Variants in SNAP47 observed in about 807,000 individuals in gnomAD.
SNAP47 encodes synaptosomal-associated protein 47.
SNAP47 carries 20 observed loss-of-function variants against 31.4 expected under a neutral mutation model. The observed-to-expected ratio is 0.64, with a 90% CI of 0.45 to 0.93. SNAP47 has a LOEUF of 0.93. Among genes scored for constraint, SNAP47 ranks in the 40% least tolerant of loss-of-function variants. SNAP47 has a pLI of 0.00. For synonymous variants in SNAP47, 194 were observed against 213.4 expected, an observed-to-expected ratio of 0.91 and a Z score of 0.79; for missense variants, 492 against 528.5, an observed-to-expected ratio of 0.93 and a Z score of 0.68.
At chr1:227,742,742 A>G (rs560726772) in intron 1 of SNAP47, among the ~76,000 whole-genome samples, 187 of 152,346 alleles carry the variant, frequency 1.2e-3, no homozygotes, top group Non-Finnish European at 2.2e-3. Context: ...GCATGGGCAC[A>G]GCAACTCCAG....
intron 4 of SNAP47, among the ~76,000 whole-genome samples, chr1:227,778,071 C>G (rs1664262604): frequency 6.6e-6 from 1 of 152,218 alleles, no homozygotes; most frequent in Non-Finnish European, 1.5e-5. Flanking sequence ...GTACTTTAAT[C>G]CCAAATTTGA....
chr1:227,751,148 T>C lies in SNAP47; in HGVS notation c.497+2915T>C, dbSNP rs148633845. ...GGCCCCTTTAGTGCTCCCTGAACAC[T>C]GTGGCTTTGATTGTGCGGTGAAGAA... On this transcript the variant is annotated intron_variant, in intron 2 of 4. Transcript: ENST00000617596. 6.8e-3 allele frequency among the ~76,000 whole-genome samples: 1,034 copies of C among 152,324 alleles called. 12 individuals are homozygous for C. The highest frequency in any genetic ancestry group is 0.024 in the African/African-American group (992 of 41,554).
Position 227,761,358 on chromosome 1 carries a change from G to C in SNAP47, c.988+1873G>C, listed in dbSNP as rs74565262. ...TGAATACACACCCTAAAAATGAAAGGTGCACACCTTAGATATGCAGCACGT... is the reference window on the plus strand; with the variant it reads ...TGAATACACACCCTAAAAATGAAAGCTGCACACCTTAGATATGCAGCACGT... On this transcript the variant is annotated intron_variant, in intron 3 of 4. Coordinates refer to ENST00000617596, the MANE Select transcript of SNAP47 (RefSeq NM_053052.4). 4.1e-3 allele frequency among the ~76,000 whole-genome samples: 618 copies of C among 152,278 alleles called. 7 individuals are homozygous for C. The highest frequency in any genetic ancestry group is 0.014 in the African/African-American group (587 of 41,544).
intron 1 of SNAP47, among the ~76,000 whole-genome samples, chr1:227,743,659 T>C: frequency 6.6e-6 from 1 of 152,202 alleles, no homozygotes; most frequent in East Asian, 1.9e-4. Flanking sequence ...TTGCTGGTCT[T>C]TGAATGTCAC....
At chr1:227,735,119 T>C (rs767983041), upstream of SNAP47, 35 of 1,578,262 alleles carry the variant, frequency 2.2e-5, no homozygotes, top group East Asian at 1.9e-4. Context: ...GCAGGGCAGG[T>C]TGGGCAGCAA....
chr1:227,750,885 T>C (rs1047174485), intron 2 of SNAP47, among the ~76,000 whole-genome samples: 1 of 152,152 alleles, frequency 6.6e-6, no homozygotes, highest in African/African-American at 2.4e-5. Context: ...AGTGCCAGCG[T>C]TGGGTGCACC....
chr1:227,735,400 G>A (rs1265260066), upstream of SNAP47: 7 of 1,568,286 alleles, frequency 4.5e-6, no homozygotes, highest in East Asian at 1.6e-4. Context: ...GGGGCTCCGG[G>A]CCTGCACGCA....
intron 4 of SNAP47, among the ~76,000 whole-genome samples, chr1:227,769,269 C>T (rs762042608): frequency 4.3e-4 from 66 of 152,144 alleles, no homozygotes; most frequent in African/African-American, 1.5e-3. Context: ...AGTGGCAGAG[C>T]GGGAGGAAGC....
rs746058752 is a variant in SNAP47 at position 227,759,434 on chromosome 1, A to T, written c.937A>T (p.Ser313Cys). Reference protein sequence around the residue: ...ELLEDALVLRSARTSSPAEKS... With the variant: ...ELLEDALVLRCARTSSPAEKS... ...GTTAGAAGATGCATTGGTGCTCAGA[A>T]GCGCAAGAACCTCTTCCCCCGCAGA... Residue 313 changes from serine (S) to cysteine (C), a missense_variant, in exon 3 of 5, where the codon AGC (serine) becomes TGC (cysteine). Ser to Cys is a moderately radical substitution (Grantham distance 112). Coordinates refer to ENST00000617596, the MANE Select transcript of SNAP47 (RefSeq NM_053052.4). 1.1e-5 allele frequency: 18 copies of T among 1,614,226 alleles called. No homozygotes were observed. The highest frequency in any genetic ancestry group is 1.5e-5 in the Non-Finnish European group (18 of 1,180,046).
intron 4 of SNAP47, among the ~76,000 whole-genome samples, chr1:227,779,118 C>T (rs116183639): frequency 0.011 from 1,688 of 152,306 alleles, 30 homozygotes; most frequent in African/African-American, 0.038. Flanking sequence ...GGGCCCATTC[C>T]GGTTTTCACA....
intron 4 of SNAP47, among the ~76,000 whole-genome samples, chr1:227,769,582 C>T (rs906853354): frequency 1.3e-5 from 2 of 152,120 alleles, no homozygotes; most frequent in African/African-American, 4.8e-5. Context: ...TGAAACGTGT[C>T]CCAGTGGTGT....
chr1:227,764,241 C>T (rs952693653), intron 3 of SNAP47, among the ~76,000 whole-genome samples: 3 of 152,246 alleles, frequency 2.0e-5, no homozygotes, highest in South Asian at 2.1e-4. Context: ...AGCAGCTCCA[C>T]GAGCACTGTG....
intron 2 of SNAP47, among the ~76,000 whole-genome samples, chr1:227,756,353 A>G (rs901104560): frequency 2.0e-5 from 3 of 152,216 alleles, no homozygotes; most frequent in African/African-American, 7.2e-5. Context: ...AGCCCAGAGG[A>G]CCTTCAGTCC....
At chr1:227,777,126 T>G in intron 4 of SNAP47, 1 of 868,394 alleles carries the variant, frequency 1.2e-6, no homozygotes, top group Non-Finnish European at 1.4e-6. Flanking sequence ...AAAAGTTATT[T>G]TATTTTCTTC....
chr1:227,771,542 T>C (rs2102988419), intron 4 of SNAP47, among the ~76,000 whole-genome samples: 1 of 152,274 alleles, frequency 6.6e-6, no homozygotes, highest in Admixed American at 6.5e-5. Context: ...TTATGGCAGC[T>C]GAGTGGAGGC....
intron 4 of SNAP47, among the ~76,000 whole-genome samples, chr1:227,778,894 T>C (rs1430626469): frequency 6.6e-6 from 1 of 152,194 alleles, no homozygotes; most frequent in African/African-American, 2.4e-5. Flanking sequence ...AGCCCTGCTG[T>C]CTGGGACTGG....
chr1:227,740,501 A>C (rs897145741), intron 1 of SNAP47, among the ~76,000 whole-genome samples: 2 of 152,166 alleles, frequency 1.3e-5, no homozygotes, highest in Admixed American at 6.5e-5. Flanking sequence ...AACTGTGGAA[A>C]GTAACTAAAA....
upstream of SNAP47, chr1:227,735,400 G>C (rs1265260066): frequency 6.4e-7 from 1 of 1,568,400 alleles, no homozygotes; most frequent in Non-Finnish European, 8.6e-7. Flanking sequence ...GGGGCTCCGG[G>C]CCTGCACGCA....
upstream of SNAP47, chr1:227,735,191 C>G: frequency 6.3e-7 from 1 of 1,581,674 alleles, no homozygotes; most frequent in Non-Finnish European, 8.6e-7. Flanking sequence ...GGCTACCCGG[C>G]CCGGAGCCTG....
Sources: gnomAD v4.1 joint callset for allele counts (sites outside exome capture counted in the v4.1 genomes callset) on GRCh38, gnomAD v4.1.1 for gene constraint, MANE v1.5 for transcripts, NCBI Gene and HGNC (gene_info 2026-07-23, HGNC 2026-07-21) for gene names.